Variants in TMEFF2 observed in about 807,000 individuals in gnomAD.
TMEFF2 encodes tomoregulin-2.
A neutral mutation model predicts 53.8 loss-of-function variants in TMEFF2; 28 were observed. The observed-to-expected ratio is 0.52, with a 90% CI of 0.39 to 0.71. The LOEUF is 0.71. TMEFF2 is among the 30% of genes least tolerant of loss of function. The pLI, the probability that TMEFF2 is intolerant of heterozygous loss-of-function variation, is 0.00. For missense variants in TMEFF2, 353 were observed against 455.2 expected (o/e 0.78, Z 2.04); for synonymous variants, 162 against 166.3 (o/e 0.97, Z 0.20).
intron 4 of TMEFF2, among the ~76,000 whole-genome samples, chr2:192,117,452 A>G (rs182435670): frequency 2.0e-5 from 3 of 152,278 alleles, no homozygotes; most frequent in Admixed American, 2.0e-4. Context: ...ATGGGATCCA[A>G]ATAGAACACT....
At chr2:192,088,091 T>C (rs1243043081) in intron 4 of TMEFF2, among the ~76,000 whole-genome samples, 1 of 152,174 alleles carries the variant, frequency 6.6e-6, no homozygotes, top group Non-Finnish European at 1.5e-5. Context: ...TTTTTGTCGG[T>C]AACTCAACAG....
intron 7 of TMEFF2, among the ~76,000 whole-genome samples, chr2:191,983,162 G>A (rs1685894555): frequency 6.6e-6 from 1 of 152,144 alleles, no homozygotes; most frequent in Non-Finnish European, 1.5e-5. Context: ...GGTAGATCAG[G>A]ATAATATTAC....
intron 4 of TMEFF2, among the ~76,000 whole-genome samples, chr2:192,066,567 A>C (rs1688173699): frequency 2.0e-5 from 3 of 151,916 alleles, no homozygotes; most frequent in Admixed American, 1.3e-4. Flanking sequence ...AAGCTTCTTT[A>C]GAAATCACAT....
chr2:192,143,303 AC>A (rs1289267289), intron 4 of TMEFF2, among the ~76,000 whole-genome samples: 4 of 152,278 alleles, frequency 2.6e-5, no homozygotes, highest in South Asian at 4.1e-4. Context: ...CTCAAATTCT[AC>A]CCTGAAAGAG....
At chr2:191,964,331 TC>T (rs1559063267) in intron 7 of TMEFF2, among the ~76,000 whole-genome samples, 24 of 108,544 alleles carry the variant, frequency 2.2e-4, no homozygotes, top group African/African-American at 1.1e-3. Flanking sequence ...TTCCTTTCTT[TC>T]CTTCTTTCTT....
chr2:191,992,650 A>C (rs1348256917), intron 7 of TMEFF2: 1 of 152,102 alleles, frequency 6.6e-6, no homozygotes, highest in Non-Finnish European at 1.5e-5. Context: ...CAATATGGCT[A>C]AAAATTTTTA....
chr2:192,094,624 TGAAA>T (rs1192420363), intron 4 of TMEFF2, among the ~76,000 whole-genome samples: 2 of 152,172 alleles, frequency 1.3e-5, no homozygotes, highest in African/African-American at 4.8e-5. Flanking sequence ...TCAAACTTGA[TGAAA>T]GAAGTCTCTT....
chr2:191,953,098 C>G (rs1691937693), intron 9 of TMEFF2, among the ~76,000 whole-genome samples: 1 of 152,212 alleles, frequency 6.6e-6, no homozygotes, highest in African/African-American at 2.4e-5. Flanking sequence ...TCCTTTACTC[C>G]AAGCCCAACG....
intron 2 of TMEFF2, among the ~76,000 whole-genome samples, chr2:192,189,573 T>C (rs1239483805): frequency 1.0e-4 from 2 of 19,276 alleles, no homozygotes; most frequent in African/African-American, 2.6e-4. Context: ...AAAAAAGGAA[T>C]GCACGCTTGT....
chr2:192,050,325 G>C (rs972097426), intron 5 of TMEFF2, among the ~76,000 whole-genome samples: 1 of 152,014 alleles, frequency 6.6e-6, no homozygotes, highest in Admixed American at 6.5e-5. Context: ...GTTGAGGTAT[G>C]GATACAGAGA....
In TMEFF2 at chr2:191,973,437, G is replaced by C. The variant is rs879787353; in HGVS notation, c.746-17059C>G. Among the ~76,000 whole-genome samples, 4 of 151,918 alleles carry C rather than the reference G, an allele frequency of 2.6e-5. No homozygotes were observed. The South Asian group carries it at 8.3e-4, about 32-fold the overall frequency. On this transcript the variant is annotated intron_variant, in intron 7 of 9. Transcript: ENST00000272771. ...TATGTGTGTGTATATACACATACAC[G>C]CACATGCATATATACACATATGCAT...
chr2:191,959,340 T>C (rs1355030043), intron 7 of TMEFF2, among the ~76,000 whole-genome samples: 1 of 152,126 alleles, frequency 6.6e-6, no homozygotes, highest in African/African-American at 2.4e-5. Flanking sequence ...AAAACAATTC[T>C]GATACAATCT....
At chr2:192,069,919 A>G (rs1180730669) in intron 4 of TMEFF2, among the ~76,000 whole-genome samples, 4 of 147,506 alleles carry the variant, frequency 2.7e-5, no homozygotes, top group Non-Finnish European at 3.0e-5. Flanking sequence ...ATTATAATAT[A>G]ATTGGAAATT....
Position 191,953,681 on chromosome 2 carries a change from T to C in TMEFF2, c.1026A>G (p.Thr342=), listed in dbSNP as rs765731624. The C allele has an allele frequency of 6.2e-7, 1 of 1,613,400 alleles. No homozygotes were observed. The highest frequency in any genetic ancestry group is 2.2e-5 in the East Asian group (1 of 44,868). The part of the protein sequence containing the change: ...AVICVVVLCI[T]RKCPRSNRIH... ...AGCCACCAAGTGCTGTTACTGACCT[T>C]GTGATGCAGAGGACCACCACACAGA... The change falls in exon 9 of 10, where the codon ACA becomes ACG. Residue 342 remains threonine, a splice_region_variant and synonymous_variant. Coordinates refer to ENST00000272771, the MANE Select transcript of TMEFF2 (RefSeq NM_016192.4).
At position 192,194,100 on chromosome 2, in the gene TMEFF2, C is replaced by A. The variant is rs894221410; in HGVS notation, c.172+253G>T. ...CGTTTAATATTTCTCAAAATCCTCG[C>A]AGCTCCAATGTAAGCGCAAGCATGC... On this transcript the variant is annotated intron_variant, in intron 1 of 9. Coordinates refer to ENST00000272771, the MANE Select transcript of TMEFF2 (RefSeq NM_016192.4). This position sits in a 1 kb window ranked among gnomAD's most constrained non-coding sequence, Gnocchi z 4.2. Among the ~76,000 whole-genome samples, 8 of 152,188 alleles carry A rather than the reference C, an allele frequency of 5.3e-5. No homozygotes were observed. Among genetic ancestry groups the A allele is most frequent in the African/African-American group, 1.9e-4 (8 of 41,448 alleles).
chr2:192,194,576 T>A lies in TMEFF2; in HGVS notation c.-52A>T, dbSNP rs1691559434. On this transcript the variant is annotated 5_prime_UTR_variant, in exon 1 of 10. Coordinates refer to ENST00000272771, the MANE Select transcript of TMEFF2 (RefSeq NM_016192.4). This position sits in a 1 kb window ranked among gnomAD's most constrained non-coding sequence, Gnocchi z 4.2. ...CAAACGGCTTCCGAGGAACACAGGA[T>A]CGCGGGGGCCGGGCAGCGGGCTACT... The A allele has an allele frequency of 1.3e-6, 2 of 1,584,354 alleles. No homozygotes were observed. Among genetic ancestry groups the A allele is most frequent in the East Asian group, 2.3e-5 (1 of 44,234 alleles).
chr2:192,020,311 T>C (rs924370655), intron 5 of TMEFF2, among the ~76,000 whole-genome samples: 3 of 152,094 alleles, frequency 2.0e-5, no homozygotes, highest in Non-Finnish European at 4.4e-5. Flanking sequence ...CTTGCATACA[T>C]ATAAAAAGTC....
intron 8 of TMEFF2, 57 bp downstream of exon 8, chr2:191,956,198 T>G (rs1692087188): frequency 6.6e-7 from 1 of 1,512,564 alleles, no homozygotes; most frequent in African/African-American, 1.4e-5. Context: ...ACATCTACAA[T>G]TTAGTTTCTA....
intron 4 of TMEFF2, among the ~76,000 whole-genome samples, chr2:192,099,782 CTT>C (rs60634556): frequency 2.1e-5 from 3 of 143,992 alleles, no homozygotes; most frequent in African/African-American, 7.5e-5. Context: ...GATGGGATTG[CTT>C]TTTTTTTTTT....
Sources: allele counts gnomAD v4.1 joint callset (sites outside exome capture counted in the v4.1 genomes callset), GRCh38; gene constraint gnomAD v4.1.1; non-coding constraint Gnocchi (gnomAD v3.1); transcripts MANE v1.5; gene names NCBI Gene and HGNC (gene_info 2026-07-23, HGNC 2026-07-21).